CALN1: variants seen among roughly 807,000 people sequenced by gnomAD.
The protein encoded by CALN1 is calneuron 1, also known as calcium-binding protein 8.
Under a neutral mutation model 30.6 loss-of-function variants are expected in CALN1, and 17 were observed. The ratio of observed to expected loss-of-function variants is 0.56; its 90% CI spans 0.38 to 0.83. The LOEUF (loss-of-function observed/expected upper bound fraction) is 0.83, where lower values mean the gene tolerates loss of function less well. CALN1 is among the 40% of genes least tolerant of loss of function. The pLI, the probability that CALN1 is intolerant of heterozygous loss-of-function variation, is 0.00. For synonymous variants in CALN1, 156 were observed against 131.4 expected (o/e 1.19, Z -1.28); for missense variants, 291 against 354.9 (o/e 0.82, Z 1.45).
In CALN1 at chr7:71,815,398, C is replaced by T. The variant is rs186467925; in HGVS notation, c.502-4906G>A. On this transcript the variant is annotated intron_variant, in intron 5 of 6. Transcript: ENST00000395275. The stretch of plus-strand genomic sequence containing the variant: ...AGAAGTATGAAAGTCCAAGGAGAAG[C>T]TTCAAAGCCATTGTGTTTTCTGCCA... Among the ~76,000 whole-genome samples the T allele has an allele frequency of 3.7e-3, 556 of 152,252 alleles. 4 individuals carry two copies. Among genetic ancestry groups the T allele is most frequent in the African/African-American group, 0.012 (517 of 41,548 alleles).
At chr7:71,886,568 T>C (rs1035441490) in intron 5 of CALN1, among the ~76,000 whole-genome samples, 9 of 151,784 alleles carry the variant, frequency 5.9e-5, no homozygotes, top group African/African-American at 2.2e-4. Flanking sequence ...AGGTCAGGAG[T>C]TCGAGACCAG....
At chr7:72,413,007 G>A (rs1335856354), upstream of CALN1, among the ~76,000 whole-genome samples, 1 of 152,200 alleles carries the variant, frequency 6.6e-6, no homozygotes, top group Non-Finnish European at 1.5e-5. Context: ...AAGCCCACCT[G>A]GAGTAGGCCA....
chr7:71,791,428 T>G (rs753197599), intron 6 of CALN1, among the ~76,000 whole-genome samples: 1 of 152,178 alleles, frequency 6.6e-6, no homozygotes, highest in Non-Finnish European at 1.5e-5. Flanking sequence ...GAGGCCATGA[T>G]CCTTGGCAAA....
chr7:71,932,629 C>T (rs907400834), intron 5 of CALN1, among the ~76,000 whole-genome samples: 7 of 151,668 alleles, frequency 4.6e-5, no homozygotes, highest in Non-Finnish European at 8.8e-5. Context: ...CTGGCTAACA[C>T]GGTGAAACCC....
At chr7:72,470,573 G>A in the CALN1 span, among the ~76,000 whole-genome samples, 1 of 152,170 alleles carries the variant, frequency 6.6e-6, no homozygotes, top group Non-Finnish European at 1.5e-5. Flanking sequence ...GGCACATGCA[G>A]ACCTAAGCCA....
intron 5 of CALN1, among the ~76,000 whole-genome samples, chr7:71,843,626 A>C (rs927519765): frequency 6.6e-6 from 1 of 152,144 alleles, no homozygotes; most frequent in Non-Finnish European, 1.5e-5. Flanking sequence ...CTGTCTCTAA[A>C]AAACAAACAA....
chr7:72,153,584 T>C (rs1787432300), intron 3 of CALN1, among the ~76,000 whole-genome samples: 1 of 151,376 alleles, frequency 6.6e-6, no homozygotes, highest in Non-Finnish European at 1.5e-5. Context: ...CTCGGGAGGC[T>C]GAAGCAGAAG....
chr7:72,481,987 A>G, the CALN1 span, among the ~76,000 whole-genome samples: 1 of 152,324 alleles, frequency 6.6e-6, no homozygotes, highest in Non-Finnish European at 1.5e-5. Context: ...GAGGTATTAA[A>G]ATATTCAATT....
chr7:72,200,577 G>A (rs557895716), intron 3 of CALN1, among the ~76,000 whole-genome samples: 17 of 152,218 alleles, frequency 1.1e-4, no homozygotes, highest in Non-Finnish European at 2.2e-4. Context: ...GGAGCTGGTG[G>A]GGTGGAGCTG....
chr7:71,824,733 TC>T (rs1414906287), intron 5 of CALN1, among the ~76,000 whole-genome samples: 4 of 152,152 alleles, frequency 2.6e-5, no homozygotes, highest in Non-Finnish European at 5.9e-5. Context: ...ATTTCACACC[TC>T]TATTCCTTTC....
At chr7:71,905,339 G>A (rs991358216) in intron 5 of CALN1, among the ~76,000 whole-genome samples, 2 of 150,690 alleles carry the variant, frequency 1.3e-5, no homozygotes, top group Admixed American at 6.6e-5. Context: ...TGAGACTTCA[G>A]TGTACCCATC....
At chr7:72,390,688 G>A (rs958840934) in intron 2 of CALN1, among the ~76,000 whole-genome samples, 1 of 152,042 alleles carries the variant, frequency 6.6e-6, no homozygotes, top group African/African-American at 2.4e-5. Context: ...TGTTCCCACT[G>A]TCCCAATTAC....
intron 5 of CALN1, among the ~76,000 whole-genome samples, chr7:72,011,047 G>A (rs1452474003): frequency 6.6e-6 from 1 of 151,734 alleles, no homozygotes; most frequent in African/African-American, 2.4e-5. Context: ...CAGCTACTTG[G>A]GAGGCTGAGG....
intron 2 of CALN1, among the ~76,000 whole-genome samples, chr7:72,390,650 G>A (rs1240563042): frequency 6.6e-6 from 1 of 152,142 alleles, no homozygotes; most frequent in Non-Finnish European, 1.5e-5. Context: ...AATTAGCAAT[G>A]CCCGACTGTG....
chr7:71,976,262 G>A lies in CALN1; in HGVS notation c.501+47395C>T, dbSNP rs567098099. Among the ~76,000 whole-genome samples the A allele has an allele frequency of 5.3e-5, 8 of 152,246 alleles. No homozygotes were observed. In the South Asian group the frequency reaches 1.0e-3, roughly 20 times the overall value. On this transcript the variant is annotated intron_variant, in intron 5 of 6. Coordinates refer to ENST00000395275, the MANE Select transcript of CALN1 (RefSeq NM_031468.4). ...CAATGACTGAAAGGTGATGAATCAC[G>A]TAACATCCCCAAGCAGGGTGGACTG...
At chr7:72,314,406 C>CACATATATAT (rs1459550383) in intron 2 of CALN1, among the ~76,000 whole-genome samples, 1 of 96,832 alleles carries the variant, frequency 1.0e-5, no homozygotes, top group South Asian at 3.6e-4. Context: ...CACATATATA[C>CACATATATAT]ACATATATAT....
chr7:72,027,113 C>T (rs947445712), intron 4 of CALN1, among the ~76,000 whole-genome samples: 7 of 152,226 alleles, frequency 4.6e-5, no homozygotes, highest in East Asian at 1.9e-4. Flanking sequence ...CAATGGCTTG[C>T]GGCTCTTCTA....
Position 72,360,947 on chromosome 7 carries a change from G to C in CALN1, c.119+42304C>G, listed in dbSNP as rs548833256. Among the ~76,000 whole-genome samples the C allele has an allele frequency of 1.1e-3, 173 of 151,914 alleles. 1 individual carries two copies. Among genetic ancestry groups the C allele is most frequent in the Non-Finnish European group, 2.2e-3 (151 of 67,946 alleles). On this transcript the variant is annotated intron_variant, in intron 2 of 6. Coordinates refer to ENST00000395275, the MANE Select transcript of CALN1 (RefSeq NM_031468.4). Reference sequence around the variant, plus strand: ...TCATCCTGTTGGCCAGGCTGGTCTCGAACTCCTGACCTCAAGTGATCTGCC... The same window carrying C: ...TCATCCTGTTGGCCAGGCTGGTCTCCAACTCCTGACCTCAAGTGATCTGCC...
chr7:72,305,109 C>T (rs4639398), intron 2 of CALN1, among the ~76,000 whole-genome samples: 70,739 of 151,956 alleles, frequency 0.47, 17,483 homozygotes, highest in South Asian at 0.68. Context: ...TTTAAGGGCC[C>T]GTGTTAACAG....
Sources: gnomAD v4.1 joint callset for allele counts (sites outside exome capture counted in the v4.1 genomes callset) on GRCh38, gnomAD v4.1.1 for gene constraint, MANE v1.5 for transcripts, NCBI Gene and HGNC (gene_info 2026-07-23, HGNC 2026-07-21) for gene names.